The following PRXL2B variants were observed in gnomAD, a reference collection of about 807,000 sequenced individuals.
PRXL2B encodes prostamide/prostaglandin F synthase.
Under a neutral mutation model 24.4 loss-of-function variants are expected in PRXL2B, and 26 were observed. That is an observed-to-expected ratio of 1.07 (90% CI 0.78 to 1.48). PRXL2B has a LOEUF of 1.48. PRXL2B is among the 40% of genes most tolerant of loss of function. The probability of loss-of-function intolerance (pLI) is 0.00; values close to 1 mark genes in which losing one functional copy is unlikely to be tolerated. For synonymous variants in PRXL2B, 115 were observed against 118.9 expected (o/e 0.97, Z 0.21); for missense variants, 269 against 264.8 (o/e 1.02, Z -0.11).
rs1318383362 is a variant in PRXL2B at position 2,587,025 on chromosome 1, G to A, written c.64-66G>A. The A allele has an allele frequency of 2.2e-6, 3 of 1,336,778 alleles. No homozygotes were observed. The highest frequency in any genetic ancestry group is 2.9e-6 in the Non-Finnish European group (3 of 1,052,126). 82.8% of individuals were successfully genotyped at this position (1,336,778 alleles called of 1,614,324 possible). A position where few individuals can be genotyped will look rare whatever the true frequency, so the allele number is the denominator to read the frequency against. On this transcript the variant is annotated intron_variant, in intron 1 of 6. Coordinates refer to ENST00000419916, the MANE Select transcript of PRXL2B (RefSeq NM_152371.5). The surrounding 1 kb of genome is among the most constrained non-coding windows in gnomAD (Gnocchi z 6.1). ...GGCGTCCTGGCAGCGATGGGGTGGT[G>A]GGGGCCGCGGGGCCTGGGCGGGGCT... is the stretch of plus-strand genomic sequence containing the variant.
chr1:2,587,706 G>A lies in PRXL2B; in HGVS notation c.269-35G>A. The A allele has an allele frequency of 2.5e-6, 4 of 1,584,892 alleles. No homozygotes were observed. The highest frequency in any genetic ancestry group is 2.6e-6 in the Non-Finnish European group (3 of 1,165,330). On this transcript the variant is annotated intron_variant, in intron 2 of 6. Transcript: ENST00000419916. The surrounding 1 kb of genome is among the most constrained non-coding windows in gnomAD (Gnocchi z 6.1). ...TGAGTGGGTTGGGGGCTGGTTCTGC[G>A]CCTGGGGCACACACATGTGGCTTCC...
rs1002751138 is a variant in PRXL2B, at chr1:2,591,217, C to T, written c.*1790C>T. The stretch of plus-strand genomic sequence containing the variant: ...TGGCTCATGTCAGTATGAGCAGAAA[C>T]ATTTCAACCATGAGATAAACCCCCA... On this transcript the variant is annotated 3_prime_UTR_variant, in exon 7 of 7. Coordinates refer to ENST00000419916, the MANE Select transcript of PRXL2B (RefSeq NM_152371.5). 1 of 643,866 alleles carries T rather than the reference C, an allele frequency of 1.6e-6. No homozygotes were observed. The highest frequency in any genetic ancestry group is 2.6e-6 in the Non-Finnish European group (1 of 381,492). The allele number at this position is 643,866 out of a possible 1,614,324, so 39.9% of individuals were successfully genotyped here.
Position 2,588,277 on chromosome 1 carries a change from G to A in PRXL2B, c.321-113G>A. The A allele has an allele frequency of 3.6e-6, 5 of 1,386,858 alleles. No homozygotes were observed. The South Asian group carries it at 5.0e-5, about 14-fold the overall frequency. The allele number at this position is 1,386,858 out of a possible 1,614,324, so 85.9% of individuals were successfully genotyped here. A position where few individuals can be genotyped will look rare whatever the true frequency, so the allele number is the denominator to read the frequency against. On this transcript the variant is annotated intron_variant, in intron 3 of 6. Transcript: ENST00000419916. ...GCCTGTGCCATCTCTGAGCCCTGGT[G>A]AGGCGGGTGGGTGGGGTGGGGCCTG... is the stretch of plus-strand genomic sequence containing the variant.
At position 2,590,230 on chromosome 1, in the gene PRXL2B, G is replaced by A. The variant is rs1187180443; in HGVS notation, c.*803G>A. 1 of 152,518 alleles carries A rather than the reference G, an allele frequency of 6.6e-6. No homozygotes were observed. The highest frequency in any genetic ancestry group is 1.5e-5 in the Non-Finnish European group (1 of 68,124). The allele number at this position is 152,518 out of a possible 1,614,324, so 9.4% of individuals were successfully genotyped here. A position where few individuals can be genotyped will look rare whatever the true frequency, so the allele number is the denominator to read the frequency against. On this transcript the variant is annotated 3_prime_UTR_variant, in exon 7 of 7. Coordinates refer to ENST00000419916, the MANE Select transcript of PRXL2B (RefSeq NM_152371.5). ...TAGTCCAGACCTGGGGACCACTGTG[G>A]GTTCCTGTGGGTCTCCCGGCTCCCT...
rs1192522878 is a variant in PRXL2B, at chr1:2,589,710, CT to C, written c.*286del. 7.1e-6 allele frequency: 4 copies of C among 561,776 alleles called. No homozygotes were observed. The East Asian group carries it at 1.2e-4, about 17-fold the overall frequency. 34.8% of individuals were successfully genotyped at this position (561,776 alleles called of 1,614,324 possible). On this transcript the variant is annotated 3_prime_UTR_variant, in exon 7 of 7. Coordinates refer to ENST00000419916, the MANE Select transcript of PRXL2B (RefSeq NM_152371.5). ...CAGGTGTCATCTTCCTGCTCTGCGACTTTCTCTGGAGACCTTGGGCCTTTGG... is the reference window on the plus strand; with the variant it reads ...CAGGTGTCATCTTCCTGCTCTGCGACTTCTCTGGAGACCTTGGGCCTTTGG...
In PRXL2B at chr1:2,587,749, C is replaced by G; in HGVS notation, c.277C>G (p.Leu93Val). 1 of 1,593,012 alleles carries G rather than the reference C, an allele frequency of 6.3e-7. No homozygotes were observed. The highest frequency in any genetic ancestry group is 8.6e-7 in the Non-Finnish European group (1 of 1,168,980). Residue 93 changes from leucine to valine, a missense_variant, in exon 3 of 7, where the codon CTG (leucine) becomes GTG (valine). By Grantham distance (32) the Leu-to-Val change is conservative. Transcript: ENST00000419916. This position sits in a 1 kb window ranked among gnomAD's most constrained non-coding sequence, Gnocchi z 6.1. The stretch of plus-strand genomic sequence containing the variant: ...TGGCTTCCGCTTTCCAGAGCTCTAC[C>G]TGGATGAGAGCAAGCAGCTTTACAA... ...DGDYFAGELY[L>V]DESKQLYKEL...
rs535329004 is a variant in PRXL2B at position 2,587,664 on chromosome 1, A to T, written c.269-77A>T. Reference sequence around the variant, plus strand: ...AGAGGAACAGAGGGTCGGAAGGAGGAGGGCGATTCTTTGTGGTGAGTGGGT... The same window carrying T: ...AGAGGAACAGAGGGTCGGAAGGAGGTGGGCGATTCTTTGTGGTGAGTGGGT... On this transcript the variant is annotated intron_variant, in intron 2 of 6. Coordinates refer to ENST00000419916, the MANE Select transcript of PRXL2B (RefSeq NM_152371.5). The surrounding 1 kb of genome is among the most constrained non-coding windows in gnomAD (Gnocchi z 6.1). 4.7e-6 allele frequency: 7 copies of T among 1,492,232 alleles called. No homozygotes were observed. Among genetic ancestry groups the T allele is most frequent in the Non-Finnish European group, 5.5e-6 (6 of 1,092,066 alleles). 92.4% of individuals were successfully genotyped at this position (1,492,232 alleles called of 1,614,324 possible).
rs1177031250 is a variant in PRXL2B at position 2,589,701 on chromosome 1, G to C, written c.*274G>C. 3.5e-6 allele frequency: 2 copies of C among 567,056 alleles called. No homozygotes were observed. Among genetic ancestry groups the C allele is most frequent in the Non-Finnish European group, 6.3e-6 (2 of 318,880 alleles). 35.1% of individuals were successfully genotyped at this position (567,056 alleles called of 1,614,324 possible). ...TGTGAGTCCCAGGTGTCATCTTCCTGCTCTGCGACTTTCTCTGGAGACCTT... is the reference window on the plus strand; with the variant it reads ...TGTGAGTCCCAGGTGTCATCTTCCTCCTCTGCGACTTTCTCTGGAGACCTT... On this transcript the variant is annotated 3_prime_UTR_variant, in exon 7 of 7. Coordinates refer to ENST00000419916, the MANE Select transcript of PRXL2B (RefSeq NM_152371.5).
Position 2,591,339 on chromosome 1 carries a change from C to T in PRXL2B, c.*1912C>T, listed in dbSNP as rs1644698650. 1.7e-6 allele frequency: 1 copy of T among 600,488 alleles called. No individual in the cohort carries two copies. Among genetic ancestry groups the T allele is most frequent in the South Asian group, 2.0e-5 (1 of 49,676 alleles). 37.2% of individuals were successfully genotyped at this position (600,488 alleles called of 1,614,324 possible). On this transcript the variant is annotated 3_prime_UTR_variant, in exon 7 of 7. Coordinates refer to ENST00000419916, the MANE Select transcript of PRXL2B (RefSeq NM_152371.5). ...ACTCTCCTTCACACAGAAACATTCG[C>T]AGCCTGCGGTAGGCTCCCCCTTCCT...
Position 2,587,300 on chromosome 1 carries a change from G to C in PRXL2B, c.268+5G>C. On this transcript the variant is annotated splice_donor_5th_base_variant and intron_variant, in intron 2 of 6. Transcript: ENST00000419916. The surrounding 1 kb of genome is among the most constrained non-coding windows in gnomAD (Gnocchi z 6.1). The stretch of plus-strand genomic sequence containing the variant: ...ACGGCGACTACTTCGCGGGAGGTGC[G>C]TCCTGTTCCCCGCCGCGGCGGCGCA... 6.4e-7 allele frequency: 1 copy of C among 1,559,066 alleles called. No individual in the cohort carries two copies. Among genetic ancestry groups the C allele is most frequent in the East Asian group, 2.4e-5 (1 of 42,090 alleles).
chr1:2,588,494 G>T (rs749752590), intron 4 of PRXL2B, 41 bp downstream of exon 4: 13 of 1,613,536 alleles, frequency 8.1e-6, no homozygotes, highest in Non-Finnish European at 9.3e-6. Flanking sequence ...GGGGTGGTGG[G>T]AGCTCCCAGG....
At chr1:2,588,502 A>T in intron 4 of PRXL2B, 48 bp from the exon 5 acceptor site, 1 of 1,613,736 alleles carries the variant, frequency 6.2e-7, no homozygotes, top group Non-Finnish European at 8.5e-7. Flanking sequence ...GGGAGCTCCC[A>T]GGAGCCTTTC....
rs1644626205 is a variant in PRXL2B, at chr1:2,589,490, AGTCCACTTGGAAGAACT to A, written c.*66_*82del. On this transcript the variant is annotated 3_prime_UTR_variant, in exon 7 of 7. Transcript: ENST00000419916. ...CGTCTGCTGCCCTAGGTGTGCTGGA[AGTCCACTTGGAAGAACT>A]GTTCCGGAGGCGCTGGGTCGGGATG... 1 of 1,612,492 alleles carries A rather than the reference AGTCCACTTGGAAGAACT, an allele frequency of 6.2e-7. No individual in the cohort carries two copies. The highest frequency in any genetic ancestry group is 1.3e-5 in the African/African-American group (1 of 75,000).
At chr1:2,589,119 T>TCCCAGCCAAGCCGA in intron 6 of PRXL2B, 79 bp downstream of exon 6, 1 of 1,399,250 alleles carries the variant, frequency 7.1e-7, no homozygotes, top group South Asian at 1.2e-5. Flanking sequence ...TCGGCTTGGC[T>TCCCAGCCAAGCCGA]GGGAGCTGAG....
upstream of PRXL2B, chr1:2,586,676 C>A: frequency 8.6e-7 from 1 of 1,166,330 alleles, no homozygotes; most frequent in Non-Finnish European, 1.1e-6. Flanking sequence ...GTGGCCGGGG[C>A]GCGCTGCGGC....
chr1:2,587,835 C>A lies in PRXL2B; in HGVS notation c.320+43C>A. The A allele has an allele frequency of 6.4e-7, 1 of 1,555,982 alleles. No individual in the cohort carries two copies. Among genetic ancestry groups the A allele is most frequent in the Non-Finnish European group, 8.7e-7 (1 of 1,148,154 alleles). ...CCCTTGGGTAGCGTGGGGTGGGGGG[C>A]CCAGGGGTTCCCACCGCTCCCTGCC... On this transcript the variant is annotated intron_variant, in intron 3 of 6. Transcript: ENST00000419916. This position sits in a 1 kb window ranked among gnomAD's most constrained non-coding sequence, Gnocchi z 6.1.
In PRXL2B at chr1:2,587,247, G is replaced by A; in HGVS notation, c.220G>A (p.Glu74Lys). Residue 74 changes from glutamate to lysine, a missense_variant, in exon 2 of 7, where the codon GAG becomes AAG. Physicochemically the swap from Glu to Lys is moderately conservative, Grantham distance 56. Transcript: ENST00000419916. The surrounding 1 kb of genome is among the most constrained non-coding windows in gnomAD (Gnocchi z 6.1). ...HGVRLVGVGPEALGLQEFLDG... is the reference protein window; with the variant it reads ...HGVRLVGVGPKALGLQEFLDG... ...CGTGCGCCTGGTGGGCGTAGGGCCC[G>A]AGGCCCTGGGTCTGCAGGAGTTCCT... is the stretch of plus-strand genomic sequence containing the variant. 6.3e-7 allele frequency: 1 copy of A among 1,578,196 alleles called. No homozygotes were observed. Among genetic ancestry groups the A allele is most frequent in the Non-Finnish European group, 8.6e-7 (1 of 1,168,332 alleles).
In PRXL2B at chr1:2,587,434, C is replaced by A; in HGVS notation, c.268+139C>A. 9.9e-7 allele frequency: 1 copy of A among 1,010,112 alleles called. No individual in the cohort carries two copies. Among genetic ancestry groups the A allele is most frequent in the South Asian group, 1.5e-5 (1 of 68,590 alleles). The allele number at this position is 1,010,112 out of a possible 1,614,324, so 62.6% of individuals were successfully genotyped here. On this transcript the variant is annotated intron_variant, in intron 2 of 6. Coordinates refer to ENST00000419916, the MANE Select transcript of PRXL2B (RefSeq NM_152371.5). This position sits in a 1 kb window ranked among gnomAD's most constrained non-coding sequence, Gnocchi z 6.1. ...GCCCACGGGTCAGCGTCCCTCATCT[C>A]TCCCTGCCTCCCCGCCCCGCAGCTG...
Position 2,591,386 on chromosome 1 carries a change from C to CT in PRXL2B, c.*1960dup. 2 of 636,688 alleles carry CT rather than the reference C, an allele frequency of 3.1e-6. No homozygotes were observed. The highest frequency in any genetic ancestry group is 2.8e-6 in the Non-Finnish European group (1 of 358,660). 39.4% of individuals were successfully genotyped at this position (636,688 alleles called of 1,614,324 possible). A position where few individuals can be genotyped will look rare whatever the true frequency, so the allele number is the denominator to read the frequency against. ...TCCTAAACCCTTAAATGCCCTTAGT[C>CT]TGTAAGAGAATGTCCCTGACCGAAA... On this transcript the variant is annotated 3_prime_UTR_variant, in exon 7 of 7. Transcript: ENST00000419916.
Sources: allele counts gnomAD v4.1 joint callset, GRCh38; gene constraint gnomAD v4.1.1; non-coding constraint Gnocchi (gnomAD v3.1); transcripts MANE v1.5; gene names NCBI Gene and HGNC (gene_info 2026-07-23, HGNC 2026-07-21).